DAPK2: variants seen among roughly 807,000 people sequenced by gnomAD.
DAPK2 encodes the protein death associated protein kinase 2, also known as death-associated protein kinase 2.
DAPK2 carries 35 observed loss-of-function variants against 44.1 expected under a neutral mutation model. The observed-to-expected ratio is 0.79, with a 90% CI of 0.61 to 1.05. The LOEUF is 1.05. DAPK2 is among the 50% of genes least tolerant of loss of function. The pLI is 0.00. For missense variants in DAPK2, 453 were observed against 483.2 expected (o/e 0.94, Z 0.59); for synonymous variants, 174 against 182.6 (o/e 0.95, Z 0.38).
At chr15:63,999,321 G>T (rs1267828486) in intron 1 of DAPK2, among the ~76,000 whole-genome samples, 1 of 152,174 alleles carries the variant, frequency 6.6e-6, no homozygotes, top group Non-Finnish European at 1.5e-5. Flanking sequence ...AGGGCACGTG[G>T]GGACTGGGAG....
At chr15:63,994,446 GAA>G (rs1219100877) in intron 1 of DAPK2, among the ~76,000 whole-genome samples, 9 of 114,142 alleles carry the variant, frequency 7.9e-5, no homozygotes, top group African/African-American at 3.2e-4. Flanking sequence ...AGGAAGGAAG[GAA>G]GGAAGGAAGG....
intron 1 of DAPK2, among the ~76,000 whole-genome samples, chr15:64,022,166 T>C (rs182592723): frequency 1.7e-3 from 264 of 152,334 alleles, no homozygotes; most frequent in African/African-American, 5.7e-3. Context: ...AAATGCTGGT[T>C]AGTATCAACA....
At chr15:63,951,829 C>T (rs1298315655) in intron 3 of DAPK2, among the ~76,000 whole-genome samples, 1 of 152,248 alleles carries the variant, frequency 6.6e-6, no homozygotes, top group African/African-American at 2.4e-5. Flanking sequence ...CTGGTTTTCA[C>T]TAACGCATTC....
intron 8 of DAPK2, among the ~76,000 whole-genome samples, chr15:63,914,861 G>A (rs1240895980): frequency 1.3e-5 from 2 of 152,162 alleles, no homozygotes; most frequent in Non-Finnish European, 2.9e-5. Context: ...AAAGTAGCAA[G>A]CCAACTTCCC....
rs1474617620 is a variant in DAPK2, at chr15:63,908,379, C to G, written c.*141G>C. The G allele has an allele frequency of 2.2e-6, 1 of 457,680 alleles. No homozygotes were observed. Among genetic ancestry groups the G allele is most frequent in the Non-Finnish European group, 3.8e-6 (1 of 262,882 alleles). 28.4% of individuals were successfully genotyped at this position (457,680 alleles called of 1,614,324 possible). On this transcript the variant is annotated 3_prime_UTR_variant, in exon 11 of 11. Coordinates refer to ENST00000261891, the Ensembl canonical transcript of DAPK2. This position sits in a 1 kb window ranked among gnomAD's most constrained non-coding sequence, Gnocchi z 5.7. ...GGGTCTCCTGGCTTGCCTGCAAGCT[C>G]TTCTGAATTCCTTGGGCCCATCTCT... is the stretch of plus-strand genomic sequence containing the variant.
rs2079143248 is a variant in DAPK2, at chr15:63,923,373, G to A, written c.858+1443C>T. ...TGGGTGTTCAGACAGAAGAATCAGAGTGTTAATTTGCCGCCCACCCCAGAG... is the reference window on the plus strand; with the variant it reads ...TGGGTGTTCAGACAGAAGAATCAGAATGTTAATTTGCCGCCCACCCCAGAG... On this transcript the variant is annotated intron_variant, in intron 8 of 10. Transcript: ENST00000261891. The surrounding 1 kb of genome is among the most constrained non-coding windows in gnomAD (Gnocchi z 4.2). 2.6e-6 allele frequency: 4 copies of A among 1,524,356 alleles called. No individual in the cohort carries two copies. Among genetic ancestry groups the A allele is most frequent in the Admixed American group, 4.0e-5 (2 of 50,514 alleles). 94.4% of individuals were successfully genotyped at this position (1,524,356 alleles called of 1,614,324 possible).
At chr15:64,027,137 C>G (rs913734081) in intron 1 of DAPK2, among the ~76,000 whole-genome samples, 81 of 152,234 alleles carry the variant, frequency 5.3e-4, no homozygotes, top group African/African-American at 1.8e-3. Context: ...AATCCCAGCA[C>G]TTTGGGAGGC....
intron 2 of DAPK2, among the ~76,000 whole-genome samples, chr15:63,973,535 C>T (rs923468485): frequency 6.6e-6 from 1 of 152,174 alleles, no homozygotes; most frequent in African/African-American, 2.4e-5. Flanking sequence ...TATTTTGTAA[C>T]ACGACATGTT....
chr15:63,948,639 C>G (rs2077512414), intron 3 of DAPK2, among the ~76,000 whole-genome samples: 1 of 152,184 alleles, frequency 6.6e-6, no homozygotes, highest in Non-Finnish European at 1.5e-5. Context: ...AACCATATCA[C>G]TGCTAGACTG....
chr15:63,999,668 A>G (rs557680587), intron 1 of DAPK2, among the ~76,000 whole-genome samples: 39 of 152,304 alleles, frequency 2.6e-4, no homozygotes, highest in African/African-American at 9.4e-4. Flanking sequence ...AATGCAAACA[A>G]GAGTCCCCTG....
At chr15:63,962,678 C>A (rs548627088) in intron 3 of DAPK2, among the ~76,000 whole-genome samples, 1 of 152,196 alleles carries the variant, frequency 6.6e-6, no homozygotes, top group Non-Finnish European at 1.5e-5. Context: ...TATTGCAGAA[C>A]GGTAGATGTT....
At chr15:63,981,676 TAATA>T (rs1003773513) in intron 2 of DAPK2, among the ~76,000 whole-genome samples, 4 of 151,092 alleles carry the variant, frequency 2.6e-5, no homozygotes, top group African/African-American at 9.7e-5. Context: ...TTCCTCCCCA[TAATA>T]AACTTTTTAA....
intron 1 of DAPK2, among the ~76,000 whole-genome samples, chr15:63,992,654 G>A (rs986338054): frequency 2.0e-5 from 3 of 152,166 alleles, no homozygotes; most frequent in Non-Finnish European, 4.4e-5. Flanking sequence ...TCCCTATCAG[G>A]TTGTGGCCAC....
rs2078958058 is a variant in DAPK2 at position 63,917,505 on chromosome 15, C to T, written c.859-5308G>A. On this transcript the variant is annotated intron_variant, in intron 8 of 10. Coordinates refer to ENST00000261891, the Ensembl canonical transcript of DAPK2. The surrounding 1 kb of genome is among the most constrained non-coding windows in gnomAD (Gnocchi z 4.4). The stretch of plus-strand genomic sequence containing the variant: ...GGAGAGATGAATGAAAGAGGACCCG[C>T]ATGACTTGATTCCTGCTGGAGCGGG... The T allele has an allele frequency of 6.6e-6, 1 of 152,194 alleles. No homozygotes were observed. Among genetic ancestry groups the T allele is most frequent in the Admixed American group, 6.5e-5 (1 of 15,282 alleles). The allele number at this position is 152,194 out of a possible 1,614,324, so 9.4% of individuals were successfully genotyped here.
chr15:64,029,403 CT>C (rs1029858189), intron 1 of DAPK2, among the ~76,000 whole-genome samples: 10 of 152,194 alleles, frequency 6.6e-5, no homozygotes, highest in Admixed American at 5.2e-4. Flanking sequence ...TCCACATGCC[CT>C]CTTGCCCAAG....
chr15:63,911,446 T>C (rs2078790158), intron 10 of DAPK2: 1 of 190,416 alleles, frequency 5.3e-6, no homozygotes, highest in African/African-American at 2.4e-5. Flanking sequence ...GCTACTCCCT[T>C]TAAATGTATA....
chr15:64,035,408 T>A (rs2080152498), intron 1 of DAPK2, among the ~76,000 whole-genome samples: 1 of 152,066 alleles, frequency 6.6e-6, no homozygotes, highest in South Asian at 2.1e-4. Context: ...TACCCTCGAG[T>A]ACAAACAGAA....
intron 4 of DAPK2, among the ~76,000 whole-genome samples, chr15:63,934,060 C>T (rs904129282): frequency 5.3e-5 from 8 of 151,882 alleles, no homozygotes; most frequent in African/African-American, 1.9e-4. Context: ...AAAATGAAGA[C>T]TTTTGGTTTT....
At chr15:64,036,308 T>TATATATATATATATATAC in intron 1 of DAPK2, among the ~76,000 whole-genome samples, 1 of 102,160 alleles carries the variant, frequency 9.8e-6, no homozygotes, top group South Asian at 3.1e-4. Flanking sequence ...TGTGTGTGTG[T>TATATATATATATATATAC]GTATATATAT....
Sources: allele counts gnomAD v4.1 joint callset (sites outside exome capture counted in the v4.1 genomes callset), GRCh38; gene constraint gnomAD v4.1.1; non-coding constraint Gnocchi (gnomAD v3.1); transcripts MANE v1.5; gene names NCBI Gene and HGNC (gene_info 2026-07-23, HGNC 2026-07-21).